The following RAB40B variants were observed in gnomAD, a reference collection of about 807,000 sequenced individuals.
RAB40B encodes RAB40B, member RAS oncogene family, also known as ras-related protein Rab-40B.
Under a neutral mutation model 24.0 loss-of-function variants are expected in RAB40B, and 21 were observed. The observed-to-expected ratio is 0.88, with a 90% CI of 0.62 to 1.26. RAB40B has a LOEUF of 1.26. Among genes scored for constraint, RAB40B ranks in the 50% most tolerant of loss-of-function variants. The probability of loss-of-function intolerance (pLI) is 0.00; values close to 1 mark genes in which losing one functional copy is unlikely to be tolerated. For synonymous variants in RAB40B, 167 were observed against 169.8 expected, an observed-to-expected ratio of 0.98 and a Z score of 0.13; for missense variants, 348 against 390.5, an observed-to-expected ratio of 0.89 and a Z score of 0.92.
At chr17:82,658,459 G>A in intron 5 of RAB40B, 32 bp downstream of exon 5, 1 of 1,606,694 alleles carries the variant, frequency 6.2e-7, no homozygotes, top group Non-Finnish European at 8.5e-7. Flanking sequence ...CTGGAGGGCA[G>A]AGGTGGCCCC....
rs1239565392 is a variant in RAB40B, at chr17:82,675,264, C to T, written c.143-10708G>A. 6.6e-6 allele frequency among the ~76,000 whole-genome samples: 1 copy of T among 152,204 alleles called. No individual in the cohort carries two copies. The highest frequency in any genetic ancestry group is 1.9e-4 in the East Asian group (1 of 5,190). ...TCACCATCATGACCAAAACTGGACT[C>T]AGTGTCTTCTTCAGCTGGCAGTTCC... On this transcript the variant is annotated intron_variant, in intron 1 of 5. Coordinates refer to ENST00000571995, the MANE Select transcript of RAB40B (RefSeq NM_006822.3). The surrounding 1 kb of genome is among the most constrained non-coding windows in gnomAD (Gnocchi z 4.5).
In RAB40B at chr17:82,657,384, C is replaced by A. The variant is rs993089047; in HGVS notation, c.*479G>T. ...AACTGGACAGATCAGTTGCACATAA[C>A]CTCTACATCTGCAGCGTTTTATAAA... On this transcript the variant is annotated 3_prime_UTR_variant, in exon 6 of 6. Coordinates refer to ENST00000571995, the MANE Select transcript of RAB40B (RefSeq NM_006822.3). The A allele has an allele frequency of 6.7e-6, 2 of 300,618 alleles. No homozygotes were observed. The highest frequency in any genetic ancestry group is 1.3e-5 in the Non-Finnish European group (2 of 154,042). 18.6% of individuals were successfully genotyped at this position (300,618 alleles called of 1,614,324 possible).
chr17:82,684,671 G>T (rs546858496), intron 1 of RAB40B, among the ~76,000 whole-genome samples: 42 of 152,334 alleles, frequency 2.8e-4, no homozygotes, highest in Non-Finnish European at 5.1e-4. Context: ...CCGGAGCCAG[G>T]TTCAAAGGCC....
rs778358667 is a variant in RAB40B, at chr17:82,663,818, G to T, written c.203+678C>A. On this transcript the variant is annotated intron_variant, in intron 2 of 5. Coordinates refer to ENST00000571995, the MANE Select transcript of RAB40B (RefSeq NM_006822.3). The surrounding 1 kb of genome is among the most constrained non-coding windows in gnomAD (Gnocchi z 6.2). Reference sequence around the variant, plus strand: ...CTTGGCATCTTCCCACAGACACCAGGCCACAGGTTCTGATCCCAAAAGCCG... The same window carrying T: ...CTTGGCATCTTCCCACAGACACCAGTCCACAGGTTCTGATCCCAAAAGCCG... 3.3e-5 allele frequency among the ~76,000 whole-genome samples: 5 copies of T among 152,158 alleles called. No individual in the cohort carries two copies. The highest frequency in any genetic ancestry group is 7.4e-5 in the Non-Finnish European group (5 of 68,018).
At chr17:82,688,282 G>A (rs891304148) in intron 1 of RAB40B, among the ~76,000 whole-genome samples, 7 of 151,788 alleles carry the variant, frequency 4.6e-5, no homozygotes, top group Admixed American at 2.0e-4. Flanking sequence ...TGGGATTACA[G>A]GTGTGAGCCA....
At chr17:82,660,233 C>T (rs976293943) in intron 3 of RAB40B, among the ~76,000 whole-genome samples, 20 of 152,044 alleles carry the variant, frequency 1.3e-4, no homozygotes, top group South Asian at 2.1e-4. Flanking sequence ...AGTGCACACA[C>T]GCAGTTCATG....
chr17:82,662,412 G>A (rs758446800), intron 2 of RAB40B: 184 of 985,460 alleles, frequency 1.9e-4, no homozygotes, highest in Admixed American at 5.5e-4. Context: ...GTGCCCCATC[G>A]TGAAGTGGGA....
chr17:82,690,903 G>A (rs956522785), intron 1 of RAB40B, among the ~76,000 whole-genome samples: 6 of 152,194 alleles, frequency 3.9e-5, no homozygotes, highest in Non-Finnish European at 1.5e-5. Flanking sequence ...AGCATGGAGT[G>A]GGCACGCATG....
intron 1 of RAB40B, among the ~76,000 whole-genome samples, chr17:82,689,642 A>C (rs920356714): frequency 4.6e-5 from 7 of 152,230 alleles, no homozygotes; most frequent in Non-Finnish European, 1.0e-4. Flanking sequence ...TTTAAAAATT[A>C]ATTTTCTCAC....
intron 1 of RAB40B, among the ~76,000 whole-genome samples, chr17:82,665,898 A>C (rs1465464857): frequency 6.6e-6 from 1 of 151,922 alleles, no homozygotes; most frequent in Non-Finnish European, 1.5e-5. Context: ...AACAAAAAAA[A>C]AAAAAAAAAA....
At chr17:82,677,766 C>G (rs567245692) in intron 1 of RAB40B, among the ~76,000 whole-genome samples, 1 of 152,184 alleles carries the variant, frequency 6.6e-6, no homozygotes, top group Non-Finnish European at 1.5e-5. Context: ...CTGGAACCCC[C>G]GGATGTGGGG....
intron 1 of RAB40B, among the ~76,000 whole-genome samples, chr17:82,696,168 C>T (rs1000617880): frequency 6.6e-6 from 1 of 152,110 alleles, no homozygotes; most frequent in South Asian, 2.1e-4. Context: ...GCCCCCGGCC[C>T]GGTGGGAGGT....
At chr17:82,664,597 CT>C in intron 1 of RAB40B, 41 bp from the exon 2 acceptor site, 1 of 1,582,808 alleles carries the variant, frequency 6.3e-7, no homozygotes, top group Non-Finnish European at 8.7e-7. Flanking sequence ...GAGGCTGCAG[CT>C]AACAGGACGC....
At chr17:82,673,624 C>A (rs924129307) in intron 1 of RAB40B, among the ~76,000 whole-genome samples, 14 of 152,226 alleles carry the variant, frequency 9.2e-5, no homozygotes, top group Admixed American at 5.2e-4. Flanking sequence ...CACGTTCAGT[C>A]ATTCCAGAGT....
At position 82,669,213 on chromosome 17, in the gene RAB40B, C is replaced by T. The variant is rs377318011; in HGVS notation, c.143-4657G>A. On this transcript the variant is annotated intron_variant, in intron 1 of 5. Coordinates refer to ENST00000571995, the MANE Select transcript of RAB40B (RefSeq NM_006822.3). The stretch of plus-strand genomic sequence containing the variant: ...ATTAGGGCCTGGGCGCGGTGGCTCA[C>T]GCCTGTAATCCCAGCACTTTGGGAG... 3.7e-3 allele frequency among the ~76,000 whole-genome samples: 564 copies of T among 152,148 alleles called. 3 individuals carry two copies. The highest frequency in any genetic ancestry group is 0.012 in the African/African-American group (516 of 41,518).
intron 4 of RAB40B, chr17:82,659,055 CT>C (rs1388844343): frequency 3.3e-6 from 1 of 299,420 alleles, no homozygotes; most frequent in Non-Finnish European, 6.3e-6. Context: ...GGAGAGGCGG[CT>C]GTAGGGAAGT....
rs905015333 is a variant in RAB40B at position 82,697,113 on chromosome 17, G to C, written c.142+1342C>G. The stretch of plus-strand genomic sequence containing the variant: ...CATGCTGCAGTTTCAGGAGGCCTCT[G>C]GGTGCTGGTCGTGAGCCCAAGCCCA... On this transcript the variant is annotated intron_variant, in intron 1 of 5. Coordinates refer to ENST00000571995, the MANE Select transcript of RAB40B (RefSeq NM_006822.3). This position sits in a 1 kb window ranked among gnomAD's most constrained non-coding sequence, Gnocchi z 4.9. 5.9e-5 allele frequency among the ~76,000 whole-genome samples: 9 copies of C among 152,092 alleles called. No homozygotes were observed. The highest frequency in any genetic ancestry group is 1.9e-4 in the African/African-American group (8 of 41,406).
chr17:82,698,199 G>C (rs928103793), intron 1 of RAB40B, among the ~76,000 whole-genome samples: 1 of 151,856 alleles, frequency 6.6e-6, no homozygotes, highest in Non-Finnish European at 1.5e-5. Flanking sequence ...AGTGGAACTG[G>C]GGGTGCAACA....
rs541036073 is a variant in RAB40B, at chr17:82,678,202, C to T, written c.143-13646G>A. ...GTTTCTCCTTCTCTGTGTTACCTTACGTTTTGGTCCACGAGAAACTAAGAA... is the reference window on the plus strand; with the variant it reads ...GTTTCTCCTTCTCTGTGTTACCTTATGTTTTGGTCCACGAGAAACTAAGAA... On this transcript the variant is annotated intron_variant, in intron 1 of 5. Coordinates refer to ENST00000571995, the MANE Select transcript of RAB40B (RefSeq NM_006822.3). Among the ~76,000 whole-genome samples the T allele has an allele frequency of 1.2e-3, 185 of 152,198 alleles. 1 individual carries two copies. The highest frequency in any genetic ancestry group is 4.2e-3 in the African/African-American group (175 of 41,526).
Sources: gnomAD v4.1 joint callset for allele counts (sites outside exome capture counted in the v4.1 genomes callset) on GRCh38, gnomAD v4.1.1 for gene constraint, Gnocchi (gnomAD v3.1) non-coding constraint, MANE v1.5 for transcripts, NCBI Gene and HGNC (gene_info 2026-07-23, HGNC 2026-07-21) for gene names.